The following ELMO1 variants were observed in gnomAD, a reference collection of about 807,000 sequenced individuals.
ELMO1 encodes the protein engulfment and cell motility protein 1.
In ELMO1, 26 loss-of-function variants were observed where a neutral mutation model predicts 98.9. The ratio of observed to expected loss-of-function variants is 0.26; its 90% CI spans 0.19 to 0.36. The LOEUF (loss-of-function observed/expected upper bound fraction) is 0.36. ELMO1 is among the 10% of genes least tolerant of loss of function. The probability of loss-of-function intolerance (pLI) is 1.00; values close to 1 mark genes in which losing one functional copy is unlikely to be tolerated. For missense variants in ELMO1, 627 were observed against 935.2 expected (o/e 0.67, Z 4.30); for synonymous variants, 346 against 346.0 (o/e 1.00, Z 0.00).
At chr7:36,985,166 A>G (rs929508448) in intron 16 of ELMO1, 4 of 941,804 alleles carry the variant, frequency 4.2e-6, no homozygotes, top group Non-Finnish European at 3.8e-6. Flanking sequence ...GCAGAGCAAT[A>G]GCTCAGAGCA....
At chr7:37,160,666 C>T (rs1216937929) in intron 13 of ELMO1, among the ~76,000 whole-genome samples, 1 of 152,088 alleles carries the variant, frequency 6.6e-6, no homozygotes, top group Non-Finnish European at 1.5e-5. Context: ...ATAAGTAGCC[C>T]CCAAATGTCC....
intron 18 of ELMO1, among the ~76,000 whole-genome samples, chr7:36,882,522 G>A (rs1264617040): frequency 6.6e-6 from 1 of 152,188 alleles, no homozygotes; most frequent in African/African-American, 2.4e-5. Flanking sequence ...TTTTGATTCT[G>A]AATTCTGCCT....
chr7:37,042,634 C>T (rs996298414), intron 15 of ELMO1, among the ~76,000 whole-genome samples: 6 of 152,252 alleles, frequency 3.9e-5, no homozygotes, highest in Non-Finnish European at 7.3e-5. Context: ...AGTGACCAGA[C>T]GTTCACTTCC....
At chr7:37,053,305 CA>C (rs1038227941) in intron 15 of ELMO1, among the ~76,000 whole-genome samples, 2 of 151,288 alleles carry the variant, frequency 1.3e-5, no homozygotes, top group Non-Finnish European at 3.0e-5. Context: ...CACACACACA[CA>C]CACACACACA....
chr7:37,222,761 C>A, intron 9 of ELMO1, 68 bp from the exon 10 acceptor site: 1 of 1,460,090 alleles, frequency 6.8e-7, no homozygotes, highest in Non-Finnish European at 9.4e-7. Flanking sequence ...CTGGGTCAAA[C>A]CATGAAAAGG....
At chr7:36,895,072 A>C in intron 16 of ELMO1, 55 bp from the exon 17 acceptor site, 1 of 1,598,262 alleles carries the variant, frequency 6.3e-7, no homozygotes, top group East Asian at 2.2e-5. Context: ...TCCCATTCAG[A>C]AAAGTCTTTC....
Position 37,150,225 on chromosome 7 carries a change from T to C in ELMO1, c.1087-16991A>G, listed in dbSNP as rs1584722941. 2.0e-5 allele frequency among the ~76,000 whole-genome samples: 3 copies of C among 152,102 alleles called. No individual in the cohort carries two copies. In the South Asian group the frequency reaches 6.2e-4, roughly 32 times the overall value. ...CTCCCTTCAATATACTTCTTATAAA[T>C]GGCAACATCTGAAGACTTTGGTCTC... On this transcript the variant is annotated intron_variant, in intron 13 of 21. Transcript: ENST00000310758.
intron 16 of ELMO1, among the ~76,000 whole-genome samples, chr7:36,950,274 G>A (rs953957264): frequency 1.3e-5 from 2 of 152,210 alleles, no homozygotes; most frequent in Non-Finnish European, 1.5e-5. Context: ...GTTTCCTTCA[G>A]CCCTGTGAGC....
intron 11 of ELMO1, among the ~76,000 whole-genome samples, chr7:37,214,338 C>T (rs1793160569): frequency 2.0e-5 from 3 of 152,202 alleles, no homozygotes. Context: ...ATCTGAAAGA[C>T]CAATTCTCTT....
At chr7:37,350,237 T>C (rs903771587) in intron 1 of ELMO1, among the ~76,000 whole-genome samples, 7 of 152,186 alleles carry the variant, frequency 4.6e-5, no homozygotes, top group Non-Finnish European at 1.0e-4. Context: ...AAACAGAGAA[T>C]GGAATCCAGT....
intron 1 of ELMO1, among the ~76,000 whole-genome samples, chr7:37,395,376 A>AAT (rs1287166607): frequency 6.6e-6 from 1 of 151,264 alleles, no homozygotes; most frequent in Non-Finnish European, 1.5e-5. Context: ...TCAAAAAAAA[A>AAT]AAAAAAAAAA....
intron 5 of ELMO1, among the ~76,000 whole-genome samples, chr7:37,263,088 C>T (rs185277774): frequency 2.0e-5 from 3 of 152,072 alleles, no homozygotes; most frequent in African/African-American, 7.2e-5. Flanking sequence ...CCAGAACAGG[C>T]AGGGATATAC....
At chr7:37,321,312 G>A (rs1276510715) in intron 2 of ELMO1, among the ~76,000 whole-genome samples, 1 of 152,140 alleles carries the variant, frequency 6.6e-6, no homozygotes. Context: ...GGTTACGTAA[G>A]GTACGTCTAT....
intron 13 of ELMO1, among the ~76,000 whole-genome samples, chr7:37,192,874 T>C (rs1206061714): frequency 6.8e-6 from 1 of 146,614 alleles, no homozygotes; most frequent in Non-Finnish European, 1.5e-5. Context: ...TACATACATG[T>C]TTATATATGA....
At chr7:37,320,684 G>A (rs3847014) in intron 2 of ELMO1, among the ~76,000 whole-genome samples, 97,884 of 152,000 alleles carry the variant, frequency 0.64, 32,829 homozygotes, top group East Asian at 0.87. Context: ...AGGCATCTTA[G>A]TTCATTTCTG....
rs146081075 is a variant in ELMO1 at position 37,198,727 on chromosome 7, G to A, written c.1086+12659C>T. Among the ~76,000 whole-genome samples the A allele has an allele frequency of 6.3e-3, 961 of 152,332 alleles. 4 individuals carry two copies. Among genetic ancestry groups the A allele is most frequent in the Non-Finnish European group, 9.7e-3 (661 of 68,032 alleles). On this transcript the variant is annotated intron_variant, in intron 13 of 21. Transcript: ENST00000310758. ...TGCACCTGCTGGATGGTGCCCTTTT[G>A]CTCCAAAGCGCCATGTGCAAAGAAA...
intron 4 of ELMO1, among the ~76,000 whole-genome samples, chr7:37,289,409 C>G (rs1797563494): frequency 6.6e-6 from 1 of 152,184 alleles, no homozygotes; most frequent in South Asian, 2.1e-4. Context: ...GTTCCACTAC[C>G]AATCCACATG....
intron 1 of ELMO1, among the ~76,000 whole-genome samples, chr7:37,365,033 C>A (rs1407990036): frequency 6.6e-6 from 1 of 152,318 alleles, no homozygotes; most frequent in South Asian, 2.1e-4. Context: ...CACCCCCACA[C>A]GTTTCCATCT....
At position 36,887,571 on chromosome 7, in the gene ELMO1, C is replaced by T. The variant is rs760500422; in HGVS notation, c.1703G>A (p.Arg568Gln). 2 of 1,614,016 alleles carry T rather than the reference C, an allele frequency of 1.2e-6. No homozygotes were observed. The highest frequency in any genetic ancestry group is 1.7e-6 in the Non-Finnish European group (2 of 1,179,926). ...EGTCFRKLNA[R>Q]RRQDKFWYCR... The stretch of plus-strand genomic sequence containing the variant: ...CCCAGAAACAATACCTTGCCTCCGC[C>T]GGGCATTGAGTTTCCTAAAGCAGGT... The change falls in exon 18 of 22, where the codon CGG becomes CAG. Residue 568 changes from arginine (R) to glutamine (Q), a missense_variant. Around this residue, in one of 3 missense-constraint regions of ELMO1, gnomAD observed 492 missense variants for 715.6 expected, o/e 0.69. Coordinates refer to ENST00000310758, the MANE Select transcript of ELMO1 (RefSeq NM_014800.11).
Sources: gnomAD v4.1 joint callset for allele counts (sites outside exome capture counted in the v4.1 genomes callset) on GRCh38, gnomAD v4.1.1 for gene constraint, gnomAD v4.1.1 regional missense constraint, MANE v1.5 for transcripts, NCBI Gene and HGNC (gene_info 2026-07-23, HGNC 2026-07-21) for gene names.